The following ARPP21 variants were observed in gnomAD, a reference collection of about 807,000 sequenced individuals.
The protein encoded by ARPP21 is cAMP regulated phosphoprotein 21, also known as cAMP-regulated phosphoprotein 21.
ARPP21 carries 69 observed loss-of-function variants against 113.2 expected under a neutral mutation model. The observed-to-expected ratio is 0.61, with a 90% confidence interval of 0.50 to 0.74. The LOEUF (loss-of-function observed/expected upper bound fraction) is 0.74, where lower values mean the gene tolerates loss of function less well. Ranked by LOEUF, ARPP21 falls within the 30% of genes least tolerant of loss-of-function variation. The pLI, the probability that ARPP21 is intolerant of heterozygous loss-of-function variation, is 0.00. For synonymous variants in ARPP21, 368 were observed against 375.5 expected (o/e 0.98, Z 0.23); for missense variants, 1,070 against 1,037.4 (o/e 1.03, Z -0.43).
intron 6 of ARPP21, among the ~76,000 whole-genome samples, chr3:35,688,804 T>G (rs1000545380): frequency 1.3e-5 from 2 of 151,652 alleles, no homozygotes; most frequent in African/African-American, 4.8e-5. Flanking sequence ...CATTAGGATA[T>G]TTAAAAGTCT....
intron 19 of ARPP21, among the ~76,000 whole-genome samples, chr3:35,766,217 T>A (rs979189751): frequency 6.6e-6 from 1 of 152,142 alleles, no homozygotes; most frequent in Non-Finnish European, 1.5e-5. Flanking sequence ...TGAATTCTAT[T>A]CATTTGGTTA....
intron 1 of ARPP21, among the ~76,000 whole-genome samples, chr3:35,674,353 T>A (rs1183080324): frequency 6.6e-6 from 1 of 151,918 alleles, no homozygotes; most frequent in Non-Finnish European, 1.5e-5. Flanking sequence ...CCCAACAGTA[T>A]TATTTAAGTA....
At chr3:35,735,537 A>G (rs1416754950) in intron 15 of ARPP21, among the ~76,000 whole-genome samples, 1 of 152,220 alleles carries the variant, frequency 6.6e-6, no homozygotes, top group Non-Finnish European at 1.5e-5. Context: ...TACCCTGGAT[A>G]AGAATGCTCA....
intron 10 of ARPP21, among the ~76,000 whole-genome samples, chr3:35,707,759 G>A (rs1242327409): frequency 6.6e-6 from 1 of 151,956 alleles, no homozygotes. Flanking sequence ...TGTGGTACCC[G>A]GACAGGAGCA....
chr3:35,740,806 A>T lies in ARPP21; in HGVS notation c.2010+1229A>T, dbSNP rs7646293. On this transcript the variant is annotated intron_variant, in intron 18 of 20. Transcript: ENST00000684406. ...ATCTTTAAAATAAATAAATAAATAA[A>T]TGAAAAATTAGCCAGGCTTAGTGGC... Among the ~76,000 whole-genome samples the T allele has an allele frequency of 1.4e-3, 211 of 152,246 alleles. 2 individuals carry two copies. The highest frequency in any genetic ancestry group is 4.7e-3 in the African/African-American group (197 of 41,556).
At chr3:35,740,770 TTTAA>T (rs2094604254) in intron 18 of ARPP21, among the ~76,000 whole-genome samples, 2 of 152,098 alleles carry the variant, frequency 1.3e-5, no homozygotes, top group Admixed American at 6.5e-5. Flanking sequence ...AAGCAGAATG[TTTAA>T]TTAAAGATCT....
At chr3:35,776,530 A>G (rs1364461379) in intron 19 of ARPP21, among the ~76,000 whole-genome samples, 1 of 152,154 alleles carries the variant, frequency 6.6e-6, no homozygotes, top group Non-Finnish European at 1.5e-5. Context: ...ACCTGCTTGA[A>G]TCCAGAGTGC....
chr3:35,722,296 A>C (rs751542351), intron 14 of ARPP21, among the ~76,000 whole-genome samples: 10 of 152,194 alleles, frequency 6.6e-5, no homozygotes, highest in Non-Finnish European at 1.2e-4. Context: ...CCGTAGGATA[A>C]TTATAATATT....
intron 1 of ARPP21, among the ~76,000 whole-genome samples, chr3:35,671,441 A>T (rs2076321161): frequency 6.6e-6 from 1 of 152,166 alleles, no homozygotes; most frequent in South Asian, 2.1e-4. Context: ...TTTCTAGCAA[A>T]TATGTTGATC....
chr3:35,706,811 A>T (rs1184037164), intron 9 of ARPP21, among the ~76,000 whole-genome samples, 163 bp from the exon 10 acceptor site: 1 of 152,234 alleles, frequency 6.6e-6, no homozygotes. Context: ...TAACATGTGA[A>T]GTGACATATT....
chr3:35,709,933 C>T (rs1048825807), intron 11 of ARPP21, among the ~76,000 whole-genome samples: 2 of 152,198 alleles, frequency 1.3e-5, no homozygotes, highest in Non-Finnish European at 2.9e-5. Context: ...GGAGACAACA[C>T]AAAGCCAGCC....
chr3:35,788,788 T>G (rs2096683656), intron 19 of ARPP21, among the ~76,000 whole-genome samples: 1 of 152,360 alleles, frequency 6.6e-6, no homozygotes, highest in African/African-American at 2.4e-5. Context: ...TGACTGAATA[T>G]TAACCAAATG....
intron 1 of ARPP21, among the ~76,000 whole-genome samples, chr3:35,644,449 G>T (rs1309181946): frequency 2.0e-5 from 3 of 151,842 alleles, no homozygotes; most frequent in African/African-American, 4.8e-5. Flanking sequence ...GCACGAGAAA[G>T]AATATCTGGT....
intron 16 of ARPP21, among the ~76,000 whole-genome samples, chr3:35,737,974 A>G (rs1224826791): frequency 6.6e-6 from 1 of 152,224 alleles, no homozygotes; most frequent in African/African-American, 2.4e-5. Flanking sequence ...CAGAGGATCT[A>G]ACCAACAATA....
At chr3:35,775,674 AT>A (rs1576916794) in intron 19 of ARPP21, among the ~76,000 whole-genome samples, 1 of 152,278 alleles carries the variant, frequency 6.6e-6, no homozygotes, top group East Asian at 1.9e-4. Flanking sequence ...TTTAATCTTC[AT>A]TTTATGCAAT....
Position 35,690,591 on chromosome 3 carries a change from T to C in ARPP21, c.546-274T>C, listed in dbSNP as rs192972896. On this transcript the variant is annotated intron_variant, in intron 8 of 20. Transcript: ENST00000684406. ...GCCTGGCCCCGTTGATAAGGTATCATGGACTAAAATACAATACTGTCCAAC... is the reference window on the plus strand; with the variant it reads ...GCCTGGCCCCGTTGATAAGGTATCACGGACTAAAATACAATACTGTCCAAC... Among the ~76,000 whole-genome samples the C allele has an allele frequency of 2.1e-4, 32 of 151,718 alleles. No homozygotes were observed. In the East Asian group the frequency reaches 6.2e-3, roughly 30 times the overall value.
Position 35,792,547 on chromosome 3 carries a change from T to C in ARPP21, c.2286+17T>C. 1 of 1,613,724 alleles carries C rather than the reference T, an allele frequency of 6.2e-7. No individual in the cohort carries two copies. Among genetic ancestry groups the C allele is most frequent in the Non-Finnish European group, 8.5e-7 (1 of 1,179,694 alleles). On this transcript the variant is annotated intron_variant, in intron 20 of 20. Transcript: ENST00000684406. ...TCTTATCAGGTGCTCATAAGCAGCT[T>C]GGAAAATTGTGGGTTTTAAAGTAGA...
intron 18 of ARPP21, among the ~76,000 whole-genome samples, chr3:35,742,385 A>G (rs528163594): frequency 1.3e-5 from 2 of 152,348 alleles, no homozygotes; most frequent in African/African-American, 4.8e-5. Context: ...AAATGCTATT[A>G]TTACTCCAGA....
At chr3:35,647,948 C>G (rs947757522) in intron 1 of ARPP21, among the ~76,000 whole-genome samples, 1 of 152,144 alleles carries the variant, frequency 6.6e-6, no homozygotes, top group Non-Finnish European at 1.5e-5. Flanking sequence ...TAAAAGAAAC[C>G]ACTTTTCTTT....
Sources: gnomAD v4.1 joint callset for allele counts (sites outside exome capture counted in the v4.1 genomes callset) on GRCh38, gnomAD v4.1.1 for gene constraint, MANE v1.5 for transcripts, NCBI Gene and HGNC (gene_info 2026-07-23, HGNC 2026-07-21) for gene names.